SOX5: variants seen among roughly 807,000 people sequenced by gnomAD.
SOX5 encodes transcription factor SOX-5.
A neutral mutation model predicts 92.0 loss-of-function variants in SOX5; 9 were observed. The observed-to-expected ratio is 0.10, with a 90% CI of 0.06 to 0.17. The LOEUF is 0.17. Ranked by LOEUF, SOX5 falls within the 10% of genes least tolerant of loss-of-function variation. The pLI, the probability that SOX5 is intolerant of heterozygous loss-of-function variation, is 1.00. For missense variants in SOX5, 642 were observed against 944.5 expected (o/e 0.68, Z 4.20); for synonymous variants, 344 against 336.3 (o/e 1.02, Z -0.25).
intron 4 of SOX5, among the ~76,000 whole-genome samples, chr12:23,970,731 C>A (rs996981904): frequency 6.8e-6 from 1 of 146,408 alleles, no homozygotes; most frequent in Non-Finnish European, 1.5e-5. Context: ...CCATTGTGAA[C>A]CGTGCTGCAA....
At chr12:24,148,337 A>C (rs1288600333) in intron 4 of SOX5, among the ~76,000 whole-genome samples, 5 of 152,058 alleles carry the variant, frequency 3.3e-5, no homozygotes, top group African/African-American at 1.2e-4. Flanking sequence ...TCTATTAAAA[A>C]TACAAAAATT....
chr12:23,767,762 T>C (rs1031269326), intron 3 of SOX5, among the ~76,000 whole-genome samples: 5 of 151,956 alleles, frequency 3.3e-5, no homozygotes, highest in Non-Finnish European at 5.9e-5. Flanking sequence ...GAAAGAGTAT[T>C]GTTGAATATT....
intron 1 of SOX5, among the ~76,000 whole-genome samples, chr12:24,474,645 C>T (rs1161484434): frequency 6.6e-6 from 1 of 151,858 alleles, no homozygotes; most frequent in Non-Finnish European, 1.5e-5. Flanking sequence ...AAGCGATTCT[C>T]CTGCCTCAGT....
intron 4 of SOX5, among the ~76,000 whole-genome samples, chr12:24,194,536 T>C (rs1418231468): frequency 2.0e-5 from 3 of 152,152 alleles, no homozygotes; most frequent in African/African-American, 7.2e-5. Context: ...GAACAACATA[T>C]CTATATATTT....
chr12:24,380,497 T>G (rs925463480), intron 1 of SOX5, among the ~76,000 whole-genome samples: 1 of 152,244 alleles, frequency 6.6e-6, no homozygotes, highest in African/African-American at 2.4e-5. Context: ...TACTCAATTC[T>G]TGATGTGTGT....
chr12:23,688,978 C>T (rs1460012560), intron 6 of SOX5, among the ~76,000 whole-genome samples: 1 of 152,120 alleles, frequency 6.6e-6, no homozygotes, highest in Non-Finnish European at 1.5e-5. Context: ...TCCAATATTT[C>T]ACAAGCATCT....
intron 7 of SOX5, among the ~76,000 whole-genome samples, chr12:23,661,123 T>C (rs1342233071): frequency 6.6e-6 from 1 of 152,244 alleles, no homozygotes; most frequent in Non-Finnish European, 1.5e-5. Context: ...GTTTGTTTTA[T>C]ACTGCATATA....
At chr12:24,325,805 A>G (rs995623032) in intron 2 of SOX5, among the ~76,000 whole-genome samples, 1 of 152,214 alleles carries the variant, frequency 6.6e-6, no homozygotes, top group Non-Finnish European at 1.5e-5. Context: ...GGGGGCAATA[A>G]AGATTCTTGC....
chr12:23,975,596 T>C (rs571757760), intron 4 of SOX5, among the ~76,000 whole-genome samples: 24 of 152,166 alleles, frequency 1.6e-4, no homozygotes, highest in Non-Finnish European at 2.6e-4. Flanking sequence ...GATTAAGCCA[T>C]GGGATCTAGA....
intron 3 of SOX5, among the ~76,000 whole-genome samples, chr12:23,774,476 C>T (rs2095037715): frequency 6.6e-6 from 1 of 152,012 alleles, no homozygotes; most frequent in Non-Finnish European, 1.5e-5. Flanking sequence ...CCTTTGCACC[C>T]AAAATTCTAA....
chr12:23,684,213 GT>G (rs1157383679), intron 6 of SOX5, among the ~76,000 whole-genome samples: 1 of 151,856 alleles, frequency 6.6e-6, no homozygotes, highest in African/African-American at 2.4e-5. Flanking sequence ...TGTACTTGTG[GT>G]TTTGGTAAGT....
chr12:23,783,968 A>G (rs1201256582), intron 3 of SOX5, among the ~76,000 whole-genome samples: 1 of 152,238 alleles, frequency 6.6e-6, no homozygotes, highest in Non-Finnish European at 1.5e-5. Context: ...AACAACAACT[A>G]AACATTTGTG....
intron 4 of SOX5, among the ~76,000 whole-genome samples, chr12:24,035,067 T>C (rs1386295974): frequency 1.3e-5 from 2 of 152,126 alleles, no homozygotes; most frequent in Non-Finnish European, 2.9e-5. Flanking sequence ...GGTTACTTCT[T>C]TGCAATGCTT....
At position 23,680,325 on chromosome 12, in the gene SOX5, C is replaced by CAAAA. The variant is rs57754255; in HGVS notation, c.811-14765_811-14762dup. Among the ~76,000 whole-genome samples the CAAAA allele has an allele frequency of 5.4e-3, 263 of 48,378 alleles. 4 individuals carry two copies. The highest frequency in any genetic ancestry group is 0.013 in the Middle Eastern group (1 of 78). The allele number at this position is 48,378 out of a possible 152,430, so 31.7% of individuals were successfully genotyped here. On this transcript the variant is annotated intron_variant, in intron 6 of 14. Transcript: ENST00000451604. ...TGGGTGACAGAGTGAGACCTTGTCT[C>CAAAA]AAAAAAAAAAAAAAAAAAAAAAGAA...
intron 4 of SOX5, among the ~76,000 whole-genome samples, chr12:24,025,043 G>A (rs1018218340): frequency 1.3e-5 from 2 of 151,956 alleles, no homozygotes; most frequent in African/African-American, 4.8e-5. Flanking sequence ...TTTTAAACTT[G>A]CAATGACTTG....
chr12:23,713,881 C>T (rs1174689650), intron 6 of SOX5, among the ~76,000 whole-genome samples: 2 of 151,220 alleles, frequency 1.3e-5, no homozygotes, highest in Non-Finnish European at 2.9e-5. Flanking sequence ...CACTTGAAGT[C>T]AGGAGTTCAA....
At chr12:24,504,713 A>T (rs182817020) in intron 1 of SOX5, among the ~76,000 whole-genome samples, 3 of 152,344 alleles carry the variant, frequency 2.0e-5, no homozygotes, top group Admixed American at 2.0e-4. Context: ...ATGGCTAATG[A>T]TATAAACCTT....
At chr12:24,493,021 A>G (rs1020817911) in intron 1 of SOX5, among the ~76,000 whole-genome samples, 1 of 152,116 alleles carries the variant, frequency 6.6e-6, no homozygotes, top group African/African-American at 2.4e-5. Context: ...CAAGCCCTTT[A>G]TCTATTTTAC....
At chr12:23,685,918 G>A (rs1457794528) in intron 6 of SOX5, among the ~76,000 whole-genome samples, 1 of 152,128 alleles carries the variant, frequency 6.6e-6, no homozygotes, top group East Asian at 1.9e-4. Flanking sequence ...ACTATCAGCT[G>A]CAGTAATGCA....
Sources: gnomAD v4.1 joint callset for allele counts (sites outside exome capture counted in the v4.1 genomes callset) on GRCh38, gnomAD v4.1.1 for gene constraint, MANE v1.5 for transcripts, NCBI Gene and HGNC (gene_info 2026-07-23, HGNC 2026-07-21) for gene names.